Variants in ANXA8 observed in about 807,000 individuals in gnomAD.
ANXA8 encodes the protein annexin A8.
In ANXA8, 9 loss-of-function variants were observed where a neutral mutation model predicts 26.8. The ratio of observed to expected loss-of-function variants is 0.34; its 90% CI spans 0.20 to 0.59. The LOEUF (loss-of-function observed/expected upper bound fraction) is 0.59, where lower values mean the gene tolerates loss of function less well. ANXA8 is among the 20% of genes least tolerant of loss of function. The pLI, the probability that ANXA8 is intolerant of heterozygous loss-of-function variation, is 0.84. For synonymous variants in ANXA8, 39 were observed against 94.8 expected (o/e 0.41, Z 3.42); for missense variants, 83 against 238.5 (o/e 0.35, Z 4.29).
chr10:47,713,163 T>TA, the ANXA8 span, among the ~76,000 whole-genome samples: 2 of 136,650 alleles, frequency 1.5e-5, no homozygotes, highest in African/African-American at 5.4e-5. Context: ...TTTCACCTGT[T>TA]ACCTCCCTCA....
the ANXA8 span, among the ~76,000 whole-genome samples, chr10:47,778,812 C>T: frequency 6.6e-6 from 1 of 151,612 alleles, no homozygotes; most frequent in African/African-American, 2.4e-5. Flanking sequence ...TACCCATTTA[C>T]AGAATCCAAT....
the ANXA8 span, among the ~76,000 whole-genome samples, chr10:47,688,367 G>A: frequency 6.7e-6 from 1 of 149,036 alleles, no homozygotes; most frequent in East Asian, 2.0e-4. Context: ...CTCCCACCTC[G>A]GCCTCCCAAA....
At chr10:47,991,729 C>T in the ANXA8 span, 3,681 of 1,604,860 alleles carry the variant, frequency 2.3e-3, 13 homozygotes, top group African/African-American at 0.043. Flanking sequence ...ACCTTTCTCA[C>T]GGAGATGAAG....
At chr10:47,670,495 T>C in the ANXA8 span, among the ~76,000 whole-genome samples, 1 of 152,274 alleles carries the variant, frequency 6.6e-6, no homozygotes, top group East Asian at 1.9e-4. Context: ...TACACAAGTG[T>C]CCCAATTTCT....
At chr10:47,668,968 A>G in the ANXA8 span, among the ~76,000 whole-genome samples, 1 of 151,602 alleles carries the variant, frequency 6.6e-6, no homozygotes, top group African/African-American at 2.4e-5. Context: ...TGGTGGGAGG[A>G]GGTCTGTATG....
At chr10:47,967,315 A>G in the ANXA8 span, among the ~76,000 whole-genome samples, 1 of 151,032 alleles carries the variant, frequency 6.6e-6, no homozygotes, top group Admixed American at 6.6e-5. Flanking sequence ...ATTCATCTGG[A>G]GAAAATTTAT....
the ANXA8 span, among the ~76,000 whole-genome samples, chr10:47,660,288 G>A: frequency 6.7e-6 from 1 of 148,488 alleles, no homozygotes; most frequent in Non-Finnish European, 1.5e-5. Flanking sequence ...AGCCCGTTAA[G>A]AGCAGGCAGG....
At chr10:47,952,502 G>C in the ANXA8 span, among the ~76,000 whole-genome samples, 1 of 149,468 alleles carries the variant, frequency 6.7e-6, no homozygotes, top group Non-Finnish European at 1.5e-5. Context: ...AAATAATACT[G>C]TCTATAGTAC....
the ANXA8 span, among the ~76,000 whole-genome samples, chr10:47,685,101 C>G: frequency 0.012 from 1,743 of 149,862 alleles, 25 homozygotes; most frequent in African/African-American, 0.039. Flanking sequence ...AATCTCAGCA[C>G]TTTGGGAGGC....
At chr10:47,625,862 G>A in the ANXA8 span, among the ~76,000 whole-genome samples, 1 of 150,794 alleles carries the variant, frequency 6.6e-6, no homozygotes, top group Non-Finnish European at 1.5e-5. Flanking sequence ...TCTTTTGACC[G>A]ACATCTCTGC....
the ANXA8 span, among the ~76,000 whole-genome samples, chr10:47,694,946 A>C: frequency 6.6e-6 from 1 of 151,672 alleles, no homozygotes; most frequent in Admixed American, 6.6e-5. Flanking sequence ...GGGGCATGTC[A>C]GTGAGAGGGT....
At chr10:47,485,985 G>A (rs1219850806), upstream of ANXA8, among the ~76,000 whole-genome samples, 20 of 151,820 alleles carry the variant, frequency 1.3e-4, no homozygotes, top group Admixed American at 1.3e-3. Context: ...GCGGGCACCT[G>A]TAGTCCCAGC....
chr10:47,499,178 A>C, the ANXA8 span, among the ~76,000 whole-genome samples: 2 of 136,380 alleles, frequency 1.5e-5, no homozygotes, highest in South Asian at 2.3e-4. Context: ...AACTGGGATT[A>C]ATCAGAATAT....
At chr10:47,485,667 T>G (rs1236847695), upstream of ANXA8, among the ~76,000 whole-genome samples, 2 of 152,118 alleles carry the variant, frequency 1.3e-5, no homozygotes, top group East Asian at 3.9e-4. Flanking sequence ...TACTTCTCTT[T>G]TTTTTAATTA....
chr10:47,744,413 G>GGGGGGGGGGGTGGGGGGGGGGGGGGGAA, the ANXA8 span, among the ~76,000 whole-genome samples: 1 of 3,978 alleles, frequency 2.5e-4, no homozygotes, highest in African/African-American at 8.1e-4. Flanking sequence ...GCTCCTGGTG[G>GGGGGGGGGGGTGGGGGGGGGGGGGGGAA]GGGGGGGGTT....
chr10:47,938,904 T>C, the ANXA8 span, among the ~76,000 whole-genome samples: 1 of 143,042 alleles, frequency 7.0e-6, no homozygotes, highest in Admixed American at 6.9e-5. Context: ...CATCCTCTCT[T>C]CCTCTACAGG....
At chr10:47,476,156 T>TC in intron 5 of ANXA8, 76 bp downstream of exon 5, 1 of 270,232 alleles carries the variant, frequency 3.7e-6, no homozygotes, top group Non-Finnish European at 6.2e-6. Flanking sequence ...CCAGGTTAAT[T>TC]CTTGATCCTT....
At chr10:47,641,123 GATAA>G in the ANXA8 span, among the ~76,000 whole-genome samples, 2 of 149,964 alleles carry the variant, frequency 1.3e-5, no homozygotes, top group African/African-American at 5.0e-5. Flanking sequence ...TTCTTCAACT[GATAA>G]ATAAAAATGA....
the ANXA8 span, among the ~76,000 whole-genome samples, chr10:47,701,133 C>G: frequency 4.0e-5 from 6 of 149,222 alleles, no homozygotes; most frequent in Non-Finnish European, 8.9e-5. Context: ...TCAAATATAA[C>G]TTATTAGAGA....
Sources: allele counts gnomAD v4.1 joint callset (sites outside exome capture counted in the v4.1 genomes callset), GRCh38; gene constraint gnomAD v4.1.1; transcripts MANE v1.5; gene names NCBI Gene and HGNC (gene_info 2026-07-23, HGNC 2026-07-21).